The following PTPN3 variants were observed in gnomAD, a reference collection of about 807,000 sequenced individuals.
PTPN3 encodes the protein protein tyrosine phosphatase non-receptor type 3, also known as tyrosine-protein phosphatase non-receptor type 3.
Under a neutral mutation model 132.7 loss-of-function variants are expected in PTPN3, and 96 were observed. The observed-to-expected ratio is 0.72, with a 90% CI of 0.61 to 0.86. PTPN3 has a LOEUF of 0.86. Among genes scored for constraint, PTPN3 ranks in the 40% least tolerant of loss-of-function variants. PTPN3 has a pLI of 0.00. For missense variants in PTPN3, 1,125 were observed against 1,159.6 expected (o/e 0.97, Z 0.43); for synonymous variants, 398 against 429.0 (o/e 0.93, Z 0.89).
At chr9:109,437,665 C>T (rs925616302) in intron 8 of PTPN3, among the ~76,000 whole-genome samples, 2 of 152,218 alleles carry the variant, frequency 1.3e-5, no homozygotes, top group African/African-American at 4.8e-5. Context: ...ATGCTCCCCA[C>T]TTGGACATAG....
At chr9:109,438,339 T>C in intron 7 of PTPN3, 105 bp from the exon 8 acceptor site, 1 of 1,276,370 alleles carries the variant, frequency 7.8e-7, no homozygotes, top group East Asian at 2.4e-5. Flanking sequence ...TAATTAGAAA[T>C]ACTCTTCTGG....
Position 109,382,294 on chromosome 9 carries a change from C to G in PTPN3, c.2528+8G>C, listed in dbSNP as rs57773277. 1.9e-6 allele frequency: 3 copies of G among 1,613,098 alleles called. No homozygotes were observed. Among genetic ancestry groups the G allele is most frequent in the Non-Finnish European group, 2.5e-6 (3 of 1,179,444 alleles). ...ATTCCAAACCTAACAAAACAGCAAG[C>G]GCCATACCTGCAGTGAACTAGGACG... On this transcript the variant is annotated splice_region_variant and intron_variant, in intron 24 of 25. Coordinates refer to ENST00000374541, the MANE Select transcript of PTPN3 (RefSeq NM_002829.4).
At chr9:109,450,682 T>C in intron 5 of PTPN3, 1 of 984,978 alleles carries the variant, frequency 1.0e-6, no homozygotes, top group South Asian at 4.7e-5. Context: ...TCTAAATTTA[T>C]CAGAAACAGC....
chr9:109,506,603 CTTTCT>C, the PTPN3 span, among the ~76,000 whole-genome samples: 214 of 113,656 alleles, frequency 1.9e-3, 1 homozygote, highest in African/African-American at 5.6e-3. Context: ...TTCTTTCTTT[CTTTCT>C]TTTTTTTTTT....
intron 5 of PTPN3, among the ~76,000 whole-genome samples, chr9:109,453,081 T>C (rs922156150): frequency 3.3e-5 from 5 of 152,208 alleles, no homozygotes; most frequent in African/African-American, 9.6e-5. Context: ...GGATGTGTCA[T>C]ACCAGACACC....
intron 1 of PTPN3, among the ~76,000 whole-genome samples, chr9:109,492,010 G>C (rs1400794222): frequency 6.6e-6 from 1 of 152,214 alleles, no homozygotes. Flanking sequence ...TGGACCAGCT[G>C]CTTTCAGAGA....
At chr9:109,428,705 CACAA>C (rs1469993594) in intron 10 of PTPN3, 21 bp from the exon 11 acceptor site, 5 of 1,608,582 alleles carry the variant, frequency 3.1e-6, no homozygotes, top group Non-Finnish European at 3.4e-6. Context: ...TAAAACAAAA[CACAA>C]ACAAAGCACA....
At chr9:109,503,149 C>T (rs1204364152), upstream of PTPN3, among the ~76,000 whole-genome samples, 1 of 151,754 alleles carries the variant, frequency 6.6e-6, no homozygotes. Flanking sequence ...CAGAATTGCT[C>T]AAAAAAAAGT....
intron 22 of PTPN3, among the ~76,000 whole-genome samples, chr9:109,385,224 C>T (rs1839475260): frequency 6.6e-6 from 1 of 152,210 alleles, no homozygotes; most frequent in Non-Finnish European, 1.5e-5. Context: ...TCTGGAAAAA[C>T]TGGTGGTGTA....
chr9:109,458,211 C>T (rs1237776871), intron 2 of PTPN3, among the ~76,000 whole-genome samples: 1 of 152,178 alleles, frequency 6.6e-6, no homozygotes, highest in Non-Finnish European at 1.5e-5. Context: ...AAATGGTCAT[C>T]TCGACTGGGG....
At chr9:109,469,373 CT>C (rs1332997568) in intron 1 of PTPN3, among the ~76,000 whole-genome samples, 1 of 152,196 alleles carries the variant, frequency 6.6e-6, no homozygotes, top group Non-Finnish European at 1.5e-5. Flanking sequence ...ATTCCCAGCA[CT>C]TTGGGAGGCC....
chr9:109,384,046 T>C (rs1839354824), intron 22 of PTPN3, among the ~76,000 whole-genome samples: 1 of 152,156 alleles, frequency 6.6e-6, no homozygotes, highest in Admixed American at 6.5e-5. Context: ...TCCTCCTCCA[T>C]TTGTCAGCCA....
chr9:109,438,454 A>T (rs1414020610), intron 7 of PTPN3, among the ~76,000 whole-genome samples: 1 of 152,210 alleles, frequency 6.6e-6, no homozygotes. Flanking sequence ...ATCCAATCAA[A>T]TTCTCATTCT....
intron 2 of PTPN3, among the ~76,000 whole-genome samples, chr9:109,458,760 C>T (rs907066744): frequency 6.6e-6 from 1 of 152,138 alleles, no homozygotes; most frequent in African/African-American, 2.4e-5. Flanking sequence ...AAAGAATGAC[C>T]CAGACCACAC....
At chr9:109,503,019 G>A (rs994626958), upstream of PTPN3, among the ~76,000 whole-genome samples, 2 of 152,074 alleles carry the variant, frequency 1.3e-5, no homozygotes, top group Non-Finnish European at 2.9e-5. Flanking sequence ...TCTATTTTTT[G>A]TATGTCTTTA....
intron 5 of PTPN3, among the ~76,000 whole-genome samples, chr9:109,452,758 G>T (rs1845340414): frequency 6.6e-6 from 1 of 152,078 alleles, no homozygotes; most frequent in South Asian, 2.1e-4. Flanking sequence ...GCAGGGTCTT[G>T]CTATGTGGCC....
chr9:109,426,402 G>T (rs1352213732), intron 12 of PTPN3, among the ~76,000 whole-genome samples: 1 of 151,858 alleles, frequency 6.6e-6, no homozygotes, highest in Admixed American at 6.6e-5. Context: ...CTATCTCATA[G>T]GAGAGTTGTA....
chr9:109,495,896 C>G (rs969861818), intron 1 of PTPN3, among the ~76,000 whole-genome samples: 1 of 152,170 alleles, frequency 6.6e-6, no homozygotes, highest in Non-Finnish European at 1.5e-5. Context: ...TGTCTGAGGG[C>G]CCACCACCTG....
intron 1 of PTPN3, among the ~76,000 whole-genome samples, chr9:109,494,985 A>T (rs892634836): frequency 6.6e-6 from 1 of 152,124 alleles, no homozygotes; most frequent in African/African-American, 2.4e-5. Flanking sequence ...CTTAGAACCC[A>T]TTACCAAATC....
Sources: allele counts gnomAD v4.1 joint callset (sites outside exome capture counted in the v4.1 genomes callset), GRCh38; gene constraint gnomAD v4.1.1; transcripts MANE v1.5; gene names NCBI Gene and HGNC (gene_info 2026-07-23, HGNC 2026-07-21).